Variants in SLC39A13 observed in about 807,000 individuals in gnomAD.
SLC39A13 encodes zinc transporter ZIP13.
In SLC39A13, 18 loss-of-function variants were observed where a neutral mutation model predicts 38.7. That is an observed-to-expected ratio of 0.47 (90% CI 0.32 to 0.69). The LOEUF (loss-of-function observed/expected upper bound fraction) is 0.69, where lower values mean the gene tolerates loss of function less well. Ranked by LOEUF, SLC39A13 falls within the 30% of genes least tolerant of loss-of-function variation. The pLI is 0.03. For synonymous variants in SLC39A13, 212 were observed against 219.1 expected (o/e 0.97, Z 0.29); for missense variants, 395 against 490.7 (o/e 0.80, Z 1.84).
At chr11:47,408,529 T>C (rs943313930), upstream of SLC39A13, 7 of 146,822 alleles carry the variant, frequency 4.8e-5, no homozygotes, top group African/African-American at 1.2e-4. Flanking sequence ...CCTTGTGACG[T>C]GGCCGCGCGC....
At chr11:47,409,795 A>C in intron 1 of SLC39A13, 1 of 371,422 alleles carries the variant, frequency 2.7e-6, no homozygotes. Context: ...GTGGCTGAGG[A>C]GAGCCAGCCA....
intron 6 of SLC39A13, 144 bp from the exon 7 acceptor site, chr11:47,414,281 T>G: frequency 2.3e-6 from 2 of 882,998 alleles, no homozygotes; most frequent in East Asian, 2.6e-5. Flanking sequence ...CTTGTCCCCT[T>G]TAGTCACTGC....
At position 47,414,890 on chromosome 11, in the gene SLC39A13, C is replaced by T. The variant is rs1435353854; in HGVS notation, c.900C>T (p.Thr300=). 1 of 1,612,544 alleles carries T rather than the reference C, an allele frequency of 6.2e-7. No homozygotes were observed. Among genetic ancestry groups the T allele is most frequent in the Non-Finnish European group, 8.5e-7 (1 of 1,179,828 alleles). ...GLLGAGFAIC[T]QSPKGVVGCS... Reference sequence around the variant, plus strand: ...TGGGCGCTGGCTTCGCCATCTGTACCCAGTCCCCCAAGGGAGTAGGTACGG... The same window carrying T: ...TGGGCGCTGGCTTCGCCATCTGTACTCAGTCCCCCAAGGGAGTAGGTACGG... The change falls in exon 8 of 10, where the codon ACC becomes ACT. Residue 300 remains threonine, a synonymous_variant. Transcript: ENST00000362021.
chr11:47,412,502 C>T, intron 4 of SLC39A13, 35 bp downstream of exon 4: 1 of 1,613,680 alleles, frequency 6.2e-7, no homozygotes, highest in Non-Finnish European at 8.5e-7. Flanking sequence ...GATATATCAG[C>T]CTCTGTTCTG....
rs768314706 is a variant in SLC39A13, at chr11:47,412,004, C to CCGAAGCCTGGGCCTACA, written c.383_399dup (p.Cys134LysfsTer33). 2.5e-6 allele frequency: 4 copies of CCGAAGCCTGGGCCTACA among 1,613,462 alleles called. No homozygotes were observed. Among genetic ancestry groups the CCGAAGCCTGGGCCTACA allele is most frequent in the Non-Finnish European group, 2.5e-6 (3 of 1,179,838 alleles). Reference sequence around the variant, plus strand: ...GGCAATGTGTTTCTGCATCTGCTGCCCGAAGCCTGGGCCTACACGTGCAGC... The same window carrying CCGAAGCCTGGGCCTACA: ...GGCAATGTGTTTCTGCATCTGCTGCCCGAAGCCTGGGCCTACACGAAGCCTGGGCCTACACGTGCAGC... On this transcript the variant is annotated frameshift_variant, in exon 3 of 10. Transcript: ENST00000362021. LOFTEE classifies it high-confidence loss of function.
Position 47,413,661 on chromosome 11 carries a change from C to A in SLC39A13, c.710C>A (p.Ala237Asp). Residue 237 changes from alanine (A) to aspartate (D), a missense_variant, in exon 6 of 10, where the codon GCT (alanine) becomes GAT (aspartate). Coordinates refer to ENST00000362021, the MANE Select transcript of SLC39A13 (RefSeq NM_001128225.3). The stretch of plus-strand genomic sequence containing the variant: ...AACTTCACCCACGGGCTGGCTGTGG[C>A]TGCCAGCTTCCTTGTGAGCAAGAAG... ...IDNFTHGLAVAASFLVSKKIG... is the reference protein window; with the variant it reads ...IDNFTHGLAVDASFLVSKKIG... 1 of 1,614,220 alleles carries A rather than the reference C, an allele frequency of 6.2e-7. No homozygotes were observed. Among genetic ancestry groups the A allele is most frequent in the Non-Finnish European group, 8.5e-7 (1 of 1,180,038 alleles).
At chr11:47,413,950 C>T (rs1392148125) in intron 6 of SLC39A13, 2 of 702,148 alleles carry the variant, frequency 2.8e-6, no homozygotes, top group Admixed American at 2.0e-5. Context: ...GATGCTTCTT[C>T]CTCTACCTCC....
intron 1 of SLC39A13, chr11:47,409,778 G>A (rs1219248484): frequency 5.7e-6 from 2 of 348,618 alleles, no homozygotes; most frequent in Non-Finnish European, 1.1e-5. Context: ...GCCGGGCCGT[G>A]CCGCCGGTGG....
At position 47,415,492 on chromosome 11, in the gene SLC39A13, G is replaced by A. The variant is rs547320609; in HGVS notation, c.*129G>A. On this transcript the variant is annotated 3_prime_UTR_variant, in exon 10 of 10. Coordinates refer to ENST00000362021, the MANE Select transcript of SLC39A13 (RefSeq NM_001128225.3). ...AGAATGAGCCTCCCGCCAGACAGGAGGGAGGTGCGTGTGGATGTATGTGGT... is the reference window on the plus strand; with the variant it reads ...AGAATGAGCCTCCCGCCAGACAGGAAGGAGGTGCGTGTGGATGTATGTGGT... The A allele has an allele frequency of 1.3e-4, 138 of 1,037,678 alleles. No homozygotes were observed. The highest frequency in any genetic ancestry group is 2.0e-4 in the Non-Finnish European group (134 of 678,000). The allele number at this position is 1,037,678 out of a possible 1,614,324, so 64.3% of individuals were successfully genotyped here. A position where few individuals can be genotyped will look rare whatever the true frequency, so the allele number is the denominator to read the frequency against.
chr11:47,410,266 G>C lies in SLC39A13; in HGVS notation c.172G>C (p.Ala58Pro). 6.2e-7 allele frequency: 1 copy of C among 1,614,162 alleles called. No homozygotes were observed. The highest frequency in any genetic ancestry group is 8.5e-7 in the Non-Finnish European group (1 of 1,180,008). The change falls in exon 2 of 10, where the codon GCT (alanine) becomes CCT (proline). Residue 58 changes from alanine (A) to proline (P), a missense_variant. Coordinates refer to ENST00000362021, the MANE Select transcript of SLC39A13 (RefSeq NM_001128225.3). ...CAACAAGGAAAGCGAGTCCTGGGGG[G>C]CTCTGCTGAGCGGAGAGCGGCTGGA... ...LDNKESESWG[A>P]LLSGERLDTW...
Position 47,415,492 on chromosome 11 carries a change from G to C in SLC39A13, c.*129G>C. The C allele has an allele frequency of 9.6e-7, 1 of 1,037,682 alleles. No individual in the cohort carries two copies. The highest frequency in any genetic ancestry group is 1.5e-6 in the Non-Finnish European group (1 of 678,004). 64.3% of individuals were successfully genotyped at this position (1,037,682 alleles called of 1,614,324 possible). A position where few individuals can be genotyped will look rare whatever the true frequency, so the allele number is the denominator to read the frequency against. Reference sequence around the variant, plus strand: ...AGAATGAGCCTCCCGCCAGACAGGAGGGAGGTGCGTGTGGATGTATGTGGT... The same window carrying C: ...AGAATGAGCCTCCCGCCAGACAGGACGGAGGTGCGTGTGGATGTATGTGGT... On this transcript the variant is annotated 3_prime_UTR_variant, in exon 10 of 10. Transcript: ENST00000362021.
chr11:47,410,852 C>T (rs533208168), intron 2 of SLC39A13, among the ~76,000 whole-genome samples: 1 of 152,304 alleles, frequency 6.6e-6, no homozygotes, highest in South Asian at 2.1e-4. Context: ...GCTGGATGCT[C>T]AGGAACCATT....
chr11:47,409,203 C>A, intron 1 of SLC39A13: 1 of 152,438 alleles, frequency 6.6e-6, no homozygotes. Flanking sequence ...ACCTCATGCC[C>A]GAGTTTCCAG....
At chr11:47,411,867 AAGGTCAGGCCAGG>A in intron 2 of SLC39A13, 46 bp from the exon 3 acceptor site, 1 of 1,526,724 alleles carries the variant, frequency 6.5e-7, no homozygotes, top group Non-Finnish European at 9.0e-7. Flanking sequence ...GGGTGGGATG[AAGGTCAGGCCAGG>A]AGCTCCAGCC....
chr11:47,407,634 C>G (rs962742073), upstream of SLC39A13: 5 of 152,256 alleles, frequency 3.3e-5, no homozygotes, highest in Admixed American at 2.6e-4. Context: ...CACTGCTGTT[C>G]AGGACCTAGA....
rs2095990922 is a variant in SLC39A13 at position 47,410,204 on chromosome 11, T to G, written c.110T>G (p.Leu37Arg). The change falls in exon 2 of 10, where the codon CTC becomes CGC. Residue 37 changes from leucine to arginine, a missense_variant. By Grantham distance (102) the Leu-to-Arg change is moderately radical. Transcript: ENST00000362021. ...AGGGCTGGGGGTTCCCAGCCGGCCC[T>G]CCGGAGCCGGGGGACTGCGACGGCC... The part of the protein sequence containing the change: ...LERAGGSQPA[L>R]RSRGTATACR... The G allele has an allele frequency of 6.2e-7, 1 of 1,613,726 alleles. No individual in the cohort carries two copies. Among genetic ancestry groups the G allele is most frequent in the Non-Finnish European group, 8.5e-7 (1 of 1,179,988 alleles).
In SLC39A13 at chr11:47,414,785, C is replaced by T. The variant is rs762829962; in HGVS notation, c.795C>T (p.Asp265=). The T allele has an allele frequency of 4.3e-6, 7 of 1,609,314 alleles. No individual in the cohort carries two copies. In the Admixed American group the frequency reaches 1.0e-4, roughly 23 times the overall value. ...LLHEIPHEVG[D]FAILLRAGFD... ...TCTGGACCTCCCTTCAGGTGGGCGA[C>T]TTTGCCATCCTGCTCCGGGCCGGCT... is the stretch of plus-strand genomic sequence containing the variant. Residue 265 remains aspartate, a synonymous_variant, in exon 8 of 10, where the codon GAC becomes GAT. Coordinates refer to ENST00000362021, the MANE Select transcript of SLC39A13 (RefSeq NM_001128225.3).
intron 4 of SLC39A13, 81 bp from the exon 5 acceptor site, chr11:47,413,319 C>T: frequency 7.0e-7 from 1 of 1,419,260 alleles, no homozygotes; most frequent in South Asian, 1.2e-5. Context: ...GTCTCTCTTT[C>T]TCCATCTCTC....
In SLC39A13 at chr11:47,411,927, T is replaced by C; in HGVS notation, c.303T>C (p.Ala101=). 6.2e-7 allele frequency: 1 copy of C among 1,612,906 alleles called. No individual in the cohort carries two copies. Among genetic ancestry groups the C allele is most frequent in the South Asian group, 1.1e-5 (1 of 90,774 alleles). ...AGACCCCGCATCTCTCCCTTGTAGC[T>C]GGGGCCTGGCGCCTGAAGCAGCTGC... ...LEMGTMLRSE[A]GAWRLKQLLS... Residue 101 remains alanine, a splice_region_variant and synonymous_variant, in exon 3 of 10, where the codon GCT becomes GCC. Transcript: ENST00000362021.
Sources: allele counts gnomAD v4.1 joint callset (sites outside exome capture counted in the v4.1 genomes callset), GRCh38; gene constraint gnomAD v4.1.1; transcripts MANE v1.5; gene names NCBI Gene and HGNC (gene_info 2026-07-23, HGNC 2026-07-21).